Variants in PIEZO2 observed in about 807,000 individuals in gnomAD.
The protein encoded by PIEZO2 is piezo-type mechanosensitive ion channel component 2.
In PIEZO2, 172 loss-of-function variants were observed where a neutral mutation model predicts 337.3. The observed-to-expected ratio is 0.51, with a 90% CI of 0.45 to 0.58. PIEZO2 has a LOEUF of 0.58. Among genes scored for constraint, PIEZO2 ranks in the 20% least tolerant of loss-of-function variants. The pLI is 0.00. For synonymous variants in PIEZO2, 1,251 were observed against 1,228.5 expected (o/e 1.02, Z -0.38); for missense variants, 3,028 against 3,391.3 (o/e 0.89, Z 2.66).
chr18:10,702,581 C>T (rs1359377747), intron 42 of PIEZO2, among the ~76,000 whole-genome samples: 2 of 152,226 alleles, frequency 1.3e-5, no homozygotes, highest in Admixed American at 6.5e-5. Context: ...CTTTAATTCG[C>T]AATCTATAGG....
rs1442719409 is a variant in PIEZO2, at chr18:10,770,264, G to T, written c.2830C>A (p.Leu944Ile). The change falls in exon 21 of 56, where the codon CTC becomes ATC. Residue 944 changes from leucine (L) to isoleucine (I), a missense_variant. Leu to Ile is a conservative substitution (Grantham distance 5). Around this residue, in one of 5 missense-constraint regions of PIEZO2, gnomAD observed 1,925 missense variants for 2,051.9 expected, o/e 0.94. Transcript: ENST00000674853. ...AAATACTCCAGGAATTTTAAGAAGA[G>T]CACAGTGAGGCGGTCAATCACCAGG... is the stretch of plus-strand genomic sequence containing the variant. ...WHLVIDRLTV[L>I]FLKFLEYFHK... 3.9e-6 allele frequency: 6 copies of T among 1,537,696 alleles called. No homozygotes were observed. The highest frequency in any genetic ancestry group is 5.2e-6 in the Non-Finnish European group (6 of 1,146,978).
In PIEZO2 at chr18:10,760,465, T is replaced by G. The variant is rs1173803057; in HGVS notation, c.3450+446A>C. Among the ~76,000 whole-genome samples the G allele has an allele frequency of 8.5e-5, 13 of 152,052 alleles. No homozygotes were observed. The East Asian group carries it at 2.5e-3, about 29-fold the overall frequency. Reference sequence around the variant, plus strand: ...GATTACAGGCGTGCACCACCACGCCTGGATAATTTTTGTATTTTTAGAAGA... The same window carrying G: ...GATTACAGGCGTGCACCACCACGCCGGGATAATTTTTGTATTTTTAGAAGA... On this transcript the variant is annotated intron_variant, in intron 24 of 55. Coordinates refer to ENST00000674853, the MANE Select transcript of PIEZO2 (RefSeq NM_001378183.1).
At chr18:11,060,621 A>G (rs914366413) in intron 2 of PIEZO2, among the ~76,000 whole-genome samples, 2 of 152,258 alleles carry the variant, frequency 1.3e-5, no homozygotes, top group Non-Finnish European at 2.9e-5. Flanking sequence ...AGAGAATACT[A>G]TAAACACCTC....
At chr18:10,719,099 T>C (rs893895551) in intron 36 of PIEZO2, among the ~76,000 whole-genome samples, 3 of 152,188 alleles carry the variant, frequency 2.0e-5, no homozygotes, top group Non-Finnish European at 4.4e-5. Flanking sequence ...TTTCATTTCA[T>C]AGCCTCTTAT....
At chr18:11,063,504 C>T (rs1036092981) in intron 2 of PIEZO2, among the ~76,000 whole-genome samples, 5 of 152,300 alleles carry the variant, frequency 3.3e-5, no homozygotes, top group African/African-American at 1.2e-4. Context: ...ATATTCTCCA[C>T]ATCCTGGGCA....
chr18:11,100,603 C>CT (rs943655226), intron 1 of PIEZO2, among the ~76,000 whole-genome samples: 43 of 149,558 alleles, frequency 2.9e-4, no homozygotes, highest in East Asian at 3.9e-4. Flanking sequence ...ATTTTCACTT[C>CT]TTTTTTTTTT....
At chr18:11,139,363 G>A (rs1246499544) in intron 1 of PIEZO2, among the ~76,000 whole-genome samples, 2 of 152,110 alleles carry the variant, frequency 1.3e-5, no homozygotes, top group South Asian at 2.1e-4. Flanking sequence ...AAAAGAAGGA[G>A]GAAGAGAAAG....
At chr18:11,004,333 C>T (rs1426449292) in intron 2 of PIEZO2, among the ~76,000 whole-genome samples, 1 of 152,222 alleles carries the variant, frequency 6.6e-6, no homozygotes, top group Non-Finnish European at 1.5e-5. Flanking sequence ...CTTGGCCCTA[C>T]TCCATCTCTG....
chr18:11,137,118 T>C (rs981838863), intron 1 of PIEZO2, among the ~76,000 whole-genome samples: 1 of 152,196 alleles, frequency 6.6e-6, no homozygotes, highest in Admixed American at 6.5e-5. Context: ...CATGATTCTG[T>C]ATTAGGAGCA....
Position 11,038,361 on chromosome 18 carries a change from T to G in PIEZO2, c.160+27766A>C, listed in dbSNP as rs2036997575. Among the ~76,000 whole-genome samples the G allele has an allele frequency of 2.0e-5, 3 of 152,160 alleles. No homozygotes were observed. Among genetic ancestry groups the G allele is most frequent in the Admixed American group, 2.0e-4 (3 of 15,274 alleles). The stretch of plus-strand genomic sequence containing the variant: ...AAGTTGTATTTTCCTTCCTTAATTT[T>G]TAACTCAAACTTACTCAATGACAGG... On this transcript the variant is annotated intron_variant, in intron 2 of 55. Transcript: ENST00000674853. This position sits in a 1 kb window ranked among gnomAD's most constrained non-coding sequence, Gnocchi z 4.1.
At chr18:10,886,728 G>A (rs184915982) in intron 4 of PIEZO2, among the ~76,000 whole-genome samples, 187 of 151,616 alleles carry the variant, frequency 1.2e-3, no homozygotes, top group African/African-American at 4.3e-3. Context: ...TTGACCATAA[G>A]TAACTGAAAC....
chr18:10,899,730 A>G lies in PIEZO2; in HGVS notation c.329+11456T>C, dbSNP rs1358747259. On this transcript the variant is annotated intron_variant, in intron 4 of 55. Transcript: ENST00000674853. The surrounding 1 kb of genome is among the most constrained non-coding windows in gnomAD (Gnocchi z 4.6). ...ACTGTTCATCATGCTGTCTACACCA[A>G]GACTTGAAATGTTTCAGTGACATAT... is the stretch of plus-strand genomic sequence containing the variant. Among the ~76,000 whole-genome samples the G allele has an allele frequency of 6.6e-6, 1 of 152,176 alleles. No individual in the cohort carries two copies. Among genetic ancestry groups the G allele is most frequent in the Non-Finnish European group, 1.5e-5 (1 of 68,032 alleles).
Position 11,031,034 on chromosome 18 carries a change from G to A in PIEZO2, c.160+35093C>T, listed in dbSNP as rs1322944221. Among the ~76,000 whole-genome samples, 3 of 152,132 alleles carry A rather than the reference G, an allele frequency of 2.0e-5. No homozygotes were observed. Among genetic ancestry groups the A allele is most frequent in the African/African-American group, 7.2e-5 (3 of 41,414 alleles). ...AGACGGAGTCTTGCTCTGTTGCCCAGGCTGGAGTGCAGTGGCGTGATCTTG... is the reference window on the plus strand; with the variant it reads ...AGACGGAGTCTTGCTCTGTTGCCCAAGCTGGAGTGCAGTGGCGTGATCTTG... On this transcript the variant is annotated intron_variant, in intron 2 of 55. Transcript: ENST00000674853. The surrounding 1 kb of genome is among the most constrained non-coding windows in gnomAD (Gnocchi z 4.7).
chr18:10,922,571 C>A (rs999095312), intron 3 of PIEZO2, among the ~76,000 whole-genome samples: 5 of 151,876 alleles, frequency 3.3e-5, no homozygotes, highest in Admixed American at 6.6e-5. Context: ...AGTAGCTGAG[C>A]GAGGAGAAGA....
chr18:10,931,005 A>G (rs1284319981), intron 3 of PIEZO2, among the ~76,000 whole-genome samples: 1 of 152,128 alleles, frequency 6.6e-6, no homozygotes, highest in African/African-American at 2.4e-5. Flanking sequence ...AGAATTTTAT[A>G]TTTGCTATTC....
intron 22 of PIEZO2, 143 bp downstream of exon 22, chr18:10,762,779 A>G (rs1223825635): frequency 2.5e-5 from 33 of 1,320,026 alleles, no homozygotes; most frequent in Non-Finnish European, 3.4e-5. Flanking sequence ...GAGGCTTAAC[A>G]CAGGCCCAGA....
In PIEZO2 at chr18:11,066,193, A is replaced by G. The variant is rs748116550; in HGVS notation, c.94T>C (p.Phe32Leu). The change falls in exon 2 of 56, where the codon TTT becomes CTT. Residue 32 changes from phenylalanine (F) to leucine (L), a missense_variant. Physicochemically the swap from Phe to Leu is conservative, Grantham distance 22. This residue lies in a region of PIEZO2 where 542 missense variants were observed against 605.6 expected (regional missense o/e 0.89). Transcript: ENST00000674853. ...AGCAAGAGGTAGATAAGGTAGACAA[A>G]GGAGAGCCCATTGTATCGGAATGCA... ...ACAFRYNGLS[F>L]VYLIYLLLIP... 6.5e-7 allele frequency: 1 copy of G among 1,537,016 alleles called. No homozygotes were observed. The highest frequency in any genetic ancestry group is 1.4e-5 in the African/African-American group (1 of 73,174).
intron 1 of PIEZO2, among the ~76,000 whole-genome samples, chr18:11,067,729 G>A (rs1371782391): frequency 6.6e-6 from 1 of 152,086 alleles, no homozygotes; most frequent in Non-Finnish European, 1.5e-5. Flanking sequence ...AATATCAACG[G>A]ATATAAATGA....
At chr18:11,042,723 C>T (rs1778240292) in intron 2 of PIEZO2, among the ~76,000 whole-genome samples, 1 of 152,174 alleles carries the variant, frequency 6.6e-6, no homozygotes, top group South Asian at 2.1e-4. Flanking sequence ...CATGCTTGGT[C>T]TCAGATTTGC....
Sources: gnomAD v4.1 joint callset for allele counts (sites outside exome capture counted in the v4.1 genomes callset) on GRCh38, gnomAD v4.1.1 for gene constraint, gnomAD v4.1.1 regional missense constraint, Gnocchi (gnomAD v3.1) non-coding constraint, MANE v1.5 for transcripts, NCBI Gene and HGNC (gene_info 2026-07-23, HGNC 2026-07-21) for gene names.